The following DEGS1 variants were observed in gnomAD, a reference collection of about 807,000 sequenced individuals.
DEGS1 encodes the protein delta 4-desaturase, sphingolipid 1.
Under a neutral mutation model 24.1 loss-of-function variants are expected in DEGS1, and 17 were observed. That is an observed-to-expected ratio of 0.70 (90% CI 0.48 to 1.06). The LOEUF is 1.06. Ranked by LOEUF, DEGS1 falls within the 50% of genes least tolerant of loss-of-function variation. The pLI is 0.00. For synonymous variants in DEGS1, 134 were observed against 140.0 expected, an observed-to-expected ratio of 0.96 and a Z score of 0.30; for missense variants, 366 against 408.9, an observed-to-expected ratio of 0.90 and a Z score of 0.91.
chr1:224,184,637 G>C (rs993558395), intron 1 of DEGS1, among the ~76,000 whole-genome samples: 1 of 151,908 alleles, frequency 6.6e-6, no homozygotes, highest in Non-Finnish European at 1.5e-5. Context: ...TCAGCCTCCC[G>C]AGTAGCTGGG....
At chr1:224,185,534 C>CT (rs1214405099) in intron 1 of DEGS1, among the ~76,000 whole-genome samples, 1 of 152,194 alleles carries the variant, frequency 6.6e-6, no homozygotes, top group African/African-American at 2.4e-5. Context: ...GAGCCGCACT[C>CT]TGTCACCCAG....
intron 1 of DEGS1, among the ~76,000 whole-genome samples, chr1:224,188,534 A>G (rs960034279): frequency 1.3e-5 from 2 of 152,086 alleles, no homozygotes; most frequent in Non-Finnish European, 2.9e-5. Flanking sequence ...TTTTTTTATT[A>G]TAGTCATCCT....
chr1:224,183,358 G>C lies in DEGS1; in HGVS notation c.22G>C (p.Glu8Gln). ...CGCCATGGGGAGCCGCGTCTCGCGG[G>C]AAGACTTCGAGTGGGTCTACACCGA... MGSRVSREDFEWVYTDQP... is the reference protein window; with the variant it reads MGSRVSRQDFEWVYTDQP... Residue 8 changes from glutamate to glutamine, a missense_variant, in exon 1 of 3, where the codon GAA (glutamate) becomes CAA (glutamine). By Grantham distance (29) the Glu-to-Gln change is conservative. Coordinates refer to ENST00000323699, the MANE Select transcript of DEGS1 (RefSeq NM_003676.4). 2.0e-6 allele frequency: 3 copies of C among 1,480,076 alleles called. No individual in the cohort carries two copies. Among genetic ancestry groups the C allele is most frequent in the Non-Finnish European group, 2.7e-6 (3 of 1,113,290 alleles). The allele number at this position is 1,480,076 out of a possible 1,614,324, so 91.7% of individuals were successfully genotyped here. A position where few individuals can be genotyped will look rare whatever the true frequency, so the allele number is the denominator to read the frequency against.
chr1:224,184,259 T>C (rs564474664), intron 1 of DEGS1, among the ~76,000 whole-genome samples: 1 of 152,326 alleles, frequency 6.6e-6, no homozygotes, highest in East Asian at 1.9e-4. Flanking sequence ...CTGTGTTACA[T>C]AGAGAATGCT....
rs1413132691 is a variant in DEGS1, at chr1:224,191,381, C to T, written c.826-951C>T. The stretch of plus-strand genomic sequence containing the variant: ...CTCCAGCCTGGGTGACAGAGCGAAA[C>T]TCCGTCTCAAAAAAAAAAAAAGAGA... On this transcript the variant is annotated intron_variant, in intron 2 of 2. Coordinates refer to ENST00000323699, the MANE Select transcript of DEGS1 (RefSeq NM_003676.4). Among the ~76,000 whole-genome samples, 7 of 148,344 alleles carry T rather than the reference C, an allele frequency of 4.7e-5. No homozygotes were observed. The Admixed American group carries it at 4.7e-4, about 10-fold the overall frequency.
chr1:224,184,782 T>A (rs1201909365), intron 1 of DEGS1, among the ~76,000 whole-genome samples: 1 of 151,854 alleles, frequency 6.6e-6, no homozygotes, highest in Non-Finnish European at 1.5e-5. Context: ...TCCCGAAGTT[T>A]TGGGATTACA....
rs765489851 is a variant in DEGS1, at chr1:224,192,320, T to C, written c.826-12T>C. ...ACTCATTTTTCATCTTGCTGTATTT[T>C]TTCCCTTCTAGGTGAGGAAAATAGC... is the stretch of plus-strand genomic sequence containing the variant. On this transcript the variant is annotated splice_polypyrimidine_tract_variant and intron_variant, in intron 2 of 2. Transcript: ENST00000323699. The C allele has an allele frequency of 5.0e-6, 8 of 1,603,396 alleles. No homozygotes were observed. The highest frequency in any genetic ancestry group is 6.8e-6 in the Non-Finnish European group (8 of 1,177,386).
intron 1 of DEGS1, among the ~76,000 whole-genome samples, chr1:224,188,283 A>G (rs1658446536): frequency 6.6e-6 from 1 of 152,182 alleles, no homozygotes; most frequent in Non-Finnish European, 1.5e-5. Flanking sequence ...TCATTAAAAT[A>G]ATATATTTTC....
At chr1:224,188,040 C>T (rs1170186065) in intron 1 of DEGS1, among the ~76,000 whole-genome samples, 1 of 151,614 alleles carries the variant, frequency 6.6e-6, no homozygotes, top group Non-Finnish European at 1.5e-5. Flanking sequence ...AGTGATCCTC[C>T]TGCCTTGGCC....
chr1:224,190,053 G>A lies in DEGS1; in HGVS notation c.559G>A (p.Val187Ile). The change falls in exon 2 of 3, where the codon GTT becomes ATT. Residue 187 changes from valine to isoleucine, a missense_variant. Coordinates refer to ENST00000323699, the MANE Select transcript of DEGS1 (RefSeq NM_003676.4). ...INPKPITYLEVINTVAQVTFD... is the reference protein window; with the variant it reads ...INPKPITYLEIINTVAQVTFD... ...CCCCAAACCAATTACGTATCTGGAA[G>A]TTATCAATACCGTGGCACAGGTCAC... 7 of 1,614,168 alleles carry A rather than the reference G, an allele frequency of 4.3e-6. No homozygotes were observed. The highest frequency in any genetic ancestry group is 5.9e-6 in the Non-Finnish European group (7 of 1,180,036).
In DEGS1 at chr1:224,193,207, A is replaced by G. The variant is rs1474215604; in HGVS notation, c.*729A>G. On this transcript the variant is annotated 3_prime_UTR_variant, in exon 3 of 3. Coordinates refer to ENST00000323699, the MANE Select transcript of DEGS1 (RefSeq NM_003676.4). ...TTTTGTATTTCACTATCTTTATACTATATAATATGGTAACTTGGGTACCGG... is the reference window on the plus strand; with the variant it reads ...TTTTGTATTTCACTATCTTTATACTGTATAATATGGTAACTTGGGTACCGG... The G allele has an allele frequency of 6.6e-6, 1 of 152,216 alleles. No individual in the cohort carries two copies. The highest frequency in any genetic ancestry group is 1.5e-5 in the Non-Finnish European group (1 of 68,048). The allele number at this position is 152,216 out of a possible 1,614,324, so 9.4% of individuals were successfully genotyped here.
rs1466616836 is a variant in DEGS1, at chr1:224,190,182, A to G, written c.688A>G (p.Ile230Val). 1.9e-6 allele frequency: 3 copies of G among 1,572,362 alleles called. No individual in the cohort carries two copies. The highest frequency in any genetic ancestry group is 2.6e-6 in the Non-Finnish European group (3 of 1,162,616). ...LGLHPISGHF[I>V]AEHYMFLKGH... ...TTTGCACCCAATTTCTGGACATTTT[A>G]TAGCTGAGCATTACATGTTCTTAAA... is the stretch of plus-strand genomic sequence containing the variant. The change falls in exon 2 of 3, where the codon ATA becomes GTA. Residue 230 changes from isoleucine to valine, a missense_variant. Transcript: ENST00000323699.
In DEGS1 at chr1:224,189,665, A is replaced by G; in HGVS notation, c.171A>G (p.Ala57=). The part of the protein sequence containing the change: ...IIMMVLTQLG[A]FYIVKDLDWK... ...TGATGGTTCTCACCCAGTTGGGTGC[A>G]TTTTACATAGTAAAAGACTTGGACT... Residue 57 remains alanine, a synonymous_variant, in exon 2 of 3, where the codon GCA becomes GCG. Transcript: ENST00000323699. 1 of 1,614,064 alleles carries G rather than the reference A, an allele frequency of 6.2e-7. No homozygotes were observed. The highest frequency in any genetic ancestry group is 8.5e-7 in the Non-Finnish European group (1 of 1,179,950).
intron 1 of DEGS1, among the ~76,000 whole-genome samples, chr1:224,187,085 G>A (rs1194390972): frequency 2.0e-5 from 3 of 152,066 alleles, no homozygotes; most frequent in East Asian, 1.9e-4. Flanking sequence ...AGGTGGACAG[G>A]TCACCTGAGG....
At chr1:224,190,791 G>A (rs534455207) in intron 2 of DEGS1, among the ~76,000 whole-genome samples, 1 of 151,806 alleles carries the variant, frequency 6.6e-6, no homozygotes, top group Non-Finnish European at 1.5e-5. Context: ...GCAGTGGTAC[G>A]ATAGCTCACT....
At position 224,193,071 on chromosome 1, in the gene DEGS1, A is replaced by T. The variant is rs1165856361; in HGVS notation, c.*593A>T. 6.6e-6 allele frequency: 1 copy of T among 152,064 alleles called. No individual in the cohort carries two copies. Among genetic ancestry groups the T allele is most frequent in the Non-Finnish European group, 1.5e-5 (1 of 68,020 alleles). The allele number at this position is 152,064 out of a possible 1,614,324, so 9.4% of individuals were successfully genotyped here. A position where few individuals can be genotyped will look rare whatever the true frequency, so the allele number is the denominator to read the frequency against. The stretch of plus-strand genomic sequence containing the variant: ...CAAGACCCCATCTCAAAAATAAATA[A>T]ATATATATAAAAAATAAAAAGCTAT... On this transcript the variant is annotated 3_prime_UTR_variant, in exon 3 of 3. Transcript: ENST00000323699.
rs1193531819 is a variant in DEGS1, at chr1:224,189,636, A to C, written c.142A>C (p.Ile48Leu). The change falls in exon 2 of 3, where the codon ATT (isoleucine) becomes CTT (leucine). Residue 48 changes from isoleucine (I) to leucine (L), a missense_variant. Ile to Leu is a conservative substitution (Grantham distance 5). Coordinates refer to ENST00000323699, the MANE Select transcript of DEGS1 (RefSeq NM_003676.4). Reference sequence around the variant, plus strand: ...TGATCCCAATTTGATATGGATTATAATTATGATGGTTCTCACCCAGTTGGG... The same window carrying C: ...TGATCCCAATTTGATATGGATTATACTTATGATGGTTCTCACCCAGTTGGG... ...KPDPNLIWII[I>L]MMVLTQLGAF... 1.2e-6 allele frequency: 2 copies of C among 1,613,706 alleles called. No individual in the cohort carries two copies. The highest frequency in any genetic ancestry group is 1.7e-6 in the Non-Finnish European group (2 of 1,179,814).
chr1:224,189,304 TA>T (rs1658473204), intron 1 of DEGS1, among the ~76,000 whole-genome samples: 2 of 152,174 alleles, frequency 1.3e-5, no homozygotes, highest in African/African-American at 4.8e-5. Context: ...AACACAGAAA[TA>T]ACATGTATTT....
intron 1 of DEGS1, among the ~76,000 whole-genome samples, chr1:224,186,706 C>A (rs1418140813): frequency 4.8e-5 from 6 of 126,042 alleles, no homozygotes; most frequent in African/African-American, 1.8e-4. Context: ...GAGTGAGCCT[C>A]CGTCTCAAAA....
Sources: allele counts gnomAD v4.1 joint callset (sites outside exome capture counted in the v4.1 genomes callset), GRCh38; gene constraint gnomAD v4.1.1; transcripts MANE v1.5; gene names NCBI Gene and HGNC (gene_info 2026-07-23, HGNC 2026-07-21).